SOCS7: variants seen among roughly 807,000 people sequenced by gnomAD.
SOCS7 encodes suppressor of cytokine signaling 7, also known as NAP-4.
In SOCS7, 18 loss-of-function variants were observed where a neutral mutation model predicts 58.9. The observed-to-expected ratio is 0.31, with a 90% CI of 0.21 to 0.45. The LOEUF (loss-of-function observed/expected upper bound fraction) is 0.45, where lower values mean the gene tolerates loss of function less well. SOCS7 is among the 20% of genes least tolerant of loss of function. The pLI, the probability that SOCS7 is intolerant of heterozygous loss-of-function variation, is 1.00. For synonymous variants in SOCS7, 388 were observed against 364.3 expected, an observed-to-expected ratio of 1.06 and a Z score of -0.74; for missense variants, 667 against 837.3, an observed-to-expected ratio of 0.80 and a Z score of 2.51.
chr17:38,404,448 G>C lies in SOCS7; in HGVS notation c.*4966G>C, dbSNP rs1468983027. 6.6e-6 allele frequency: 1 copy of C among 152,330 alleles called. No homozygotes were observed. The highest frequency in any genetic ancestry group is 1.5e-5 in the Non-Finnish European group (1 of 68,214). The allele number at this position is 152,330 out of a possible 1,614,324, so 9.4% of individuals were successfully genotyped here. ...GAAGCCAGCCCTGCATGCTGAGTTT[G>C]TGACCTGCTTCATTCCCATTTCATT... On this transcript the variant is annotated 3_prime_UTR_variant, in exon 10 of 10. Coordinates refer to ENST00000612932, the MANE Select transcript of SOCS7 (RefSeq NM_014598.4).
intron 2 of SOCS7, among the ~76,000 whole-genome samples, chr17:38,362,942 G>A (rs587700951): frequency 9.9e-5 from 15 of 152,130 alleles, no homozygotes; most frequent in African/African-American, 3.1e-4. Flanking sequence ...GTGAAACCCC[G>A]TCTCTACTAA....
At chr17:38,375,568 T>C (rs1446110704) in intron 6 of SOCS7, among the ~76,000 whole-genome samples, 4 of 152,160 alleles carry the variant, frequency 2.6e-5, no homozygotes, top group Admixed American at 2.6e-4. Context: ...AACCGACTGT[T>C]TATATTATTG....
chr17:38,362,308 GC>G, intron 2 of SOCS7, among the ~76,000 whole-genome samples: 2 of 152,276 alleles, frequency 1.3e-5, no homozygotes, highest in Middle Eastern at 3.4e-3. Context: ...CTGCCCTCTT[GC>G]AGCAGGGAAC....
At chr17:38,370,506 TA>T (rs1051146076) in intron 6 of SOCS7, among the ~76,000 whole-genome samples, 1 of 151,616 alleles carries the variant, frequency 6.6e-6, no homozygotes, top group African/African-American at 2.4e-5. Flanking sequence ...CCAGCTAATT[TA>T]AAAAAATTTT....
intron 4 of SOCS7, 72 bp downstream of exon 4, chr17:38,365,481 G>T: frequency 2.1e-6 from 2 of 949,416 alleles, no homozygotes. Context: ...ATAGAAGGAT[G>T]GGAGAAATCT....
chr17:38,382,237 G>A (rs80265366), intron 7 of SOCS7, among the ~76,000 whole-genome samples: 2,663 of 151,744 alleles, frequency 0.018, 91 homozygotes, highest in African/African-American at 0.061. Flanking sequence ...TAACTAGCCT[G>A]GATAATGTAG....
At position 38,352,562 on chromosome 17, in the gene SOCS7, C is replaced by T. The variant is rs1281707361; in HGVS notation, c.510C>T (p.Asp170=). 84 of 1,549,610 alleles carry T rather than the reference C, an allele frequency of 5.4e-5. No individual in the cohort carries two copies. The highest frequency in any genetic ancestry group is 6.6e-5 in the Non-Finnish European group (76 of 1,146,712). Residue 170 remains aspartate, a synonymous_variant, in exon 1 of 10, where the codon GAC becomes GAT. Transcript: ENST00000612932. This position sits in a 1 kb window ranked among gnomAD's most constrained non-coding sequence, Gnocchi z 5.5. ...CTGCCGCCCCGCAGGCCGGGGAGGACCCCACGGAAACGAGCGACGCGCTGC... is the reference window on the plus strand; with the variant it reads ...CTGCCGCCCCGCAGGCCGGGGAGGATCCCACGGAAACGAGCGACGCGCTGC... ...PPAAAPQAGE[D]PTETSDALLV...
intron 7 of SOCS7, among the ~76,000 whole-genome samples, chr17:38,387,103 A>ATATATATATATATATATATATATGTATG (rs2038080507): frequency 3.9e-5 from 2 of 51,650 alleles, no homozygotes; most frequent in East Asian, 4.9e-4. Context: ...AAAAAAAAAA[A>ATATATATATATATATATATATATGTATG]TATATATATA....
At chr17:38,386,953 G>A (rs921222370) in intron 7 of SOCS7, among the ~76,000 whole-genome samples, 18 of 150,566 alleles carry the variant, frequency 1.2e-4, no homozygotes, top group African/African-American at 4.2e-4. Flanking sequence ...GGGCGTGGTG[G>A]TGGGCACCTA....
chr17:38,365,228 C>A, intron 3 of SOCS7, 80 bp from the exon 4 acceptor site: 1 of 1,062,802 alleles, frequency 9.4e-7, no homozygotes. Flanking sequence ...GCCTGATAGT[C>A]CTTCTCCCTC....
chr17:38,375,545 C>T (rs1416886153), intron 6 of SOCS7, among the ~76,000 whole-genome samples: 6 of 152,056 alleles, frequency 3.9e-5, no homozygotes. Context: ...ATATCACATA[C>T]AAAATATATG....
chr17:38,391,840 T>C (rs963664677), intron 7 of SOCS7, among the ~76,000 whole-genome samples: 1 of 152,224 alleles, frequency 6.6e-6, no homozygotes, highest in Non-Finnish European at 1.5e-5. Flanking sequence ...TGTGATTCCT[T>C]ATCTGATTCT....
chr17:38,359,708 C>T (rs12600340), intron 1 of SOCS7, among the ~76,000 whole-genome samples: 14,760 of 150,660 alleles, frequency 0.098, 819 homozygotes, highest in East Asian at 0.19. Flanking sequence ...CTCAATTCTG[C>T]GGTAGGATTT....
intron 2 of SOCS7, 45 bp downstream of exon 2, chr17:38,361,820 C>T (rs370641464): frequency 6.7e-5 from 93 of 1,384,060 alleles, no homozygotes; most frequent in African/African-American, 1.2e-4. Flanking sequence ...AAAACAGGGG[C>T]GTTCTGAGAC....
At chr17:38,394,064 T>TA (rs112234790) in intron 7 of SOCS7, among the ~76,000 whole-genome samples, 3 of 152,378 alleles carry the variant, frequency 2.0e-5, no homozygotes, top group Admixed American at 6.5e-5. Context: ...GAATCTTGTT[T>TA]ACCTTCCATA....
intron 9 of SOCS7, among the ~76,000 whole-genome samples, chr17:38,396,435 A>G (rs2038246399): frequency 6.6e-6 from 1 of 152,228 alleles, no homozygotes; most frequent in Non-Finnish European, 1.5e-5. Context: ...AGAGAATGCA[A>G]ACATGCCTTT....
intron 6 of SOCS7, among the ~76,000 whole-genome samples, chr17:38,371,236 C>G (rs2037859719): frequency 6.6e-6 from 1 of 152,008 alleles, no homozygotes; most frequent in Admixed American, 6.5e-5. Context: ...GCCTCAGCCT[C>G]CTGAGTAGCT....
At chr17:38,376,488 T>A (rs1237244276) in intron 6 of SOCS7, among the ~76,000 whole-genome samples, 1 of 152,076 alleles carries the variant, frequency 6.6e-6, no homozygotes, top group African/African-American at 2.4e-5. Context: ...TCCCAGCACT[T>A]AGGGAGGCCG....
At chr17:38,387,220 G>A (rs1230921039) in intron 7 of SOCS7, among the ~76,000 whole-genome samples, 7 of 139,630 alleles carry the variant, frequency 5.0e-5, no homozygotes, top group African/African-American at 1.9e-4. Context: ...GAGGCAGTTG[G>A]ATCACCTGAG....
Sources: allele counts gnomAD v4.1 joint callset (sites outside exome capture counted in the v4.1 genomes callset), GRCh38; gene constraint gnomAD v4.1.1; non-coding constraint Gnocchi (gnomAD v3.1); transcripts MANE v1.5; gene names NCBI Gene and HGNC (gene_info 2026-07-23, HGNC 2026-07-21).